PTPRD: variants seen among roughly 807,000 people sequenced by gnomAD.
PTPRD encodes receptor-type tyrosine-protein phosphatase delta.
Under a neutral mutation model 214.5 loss-of-function variants are expected in PTPRD, and 34 were observed. The ratio of observed to expected loss-of-function variants is 0.16; its 90% CI spans 0.12 to 0.21. The LOEUF is 0.21. Among genes scored for constraint, PTPRD ranks in the 10% least tolerant of loss-of-function variants. The pLI is 1.00. For synonymous variants in PTPRD, 1,128 were observed against 845.7 expected, an observed-to-expected ratio of 1.33 and a Z score of -5.79; for missense variants, 2,545 against 2,398.7, an observed-to-expected ratio of 1.06 and a Z score of -1.27.
At chr9:9,900,138 C>G (rs577016493) in intron 5 of PTPRD, among the ~76,000 whole-genome samples, 1 of 152,164 alleles carries the variant, frequency 6.6e-6, no homozygotes, top group Non-Finnish European at 1.5e-5. Flanking sequence ...AAGTTCTTCC[C>G]TGAAAACACT....
intron 9 of PTPRD, among the ~76,000 whole-genome samples, chr9:9,201,351 G>A (rs887289577): frequency 2.6e-5 from 4 of 152,158 alleles, no homozygotes; most frequent in Non-Finnish European, 5.9e-5. Context: ...CTCGATTGAA[G>A]AAAACTGTGG....
chr9:9,256,567 C>T (rs957518230), intron 9 of PTPRD, among the ~76,000 whole-genome samples: 1 of 151,938 alleles, frequency 6.6e-6, no homozygotes, highest in African/African-American at 2.4e-5. Flanking sequence ...AAATGACTTG[C>T]TAAACTGCTT....
chr9:10,211,842 C>T (rs1320922006), intron 3 of PTPRD, among the ~76,000 whole-genome samples: 1 of 152,060 alleles, frequency 6.6e-6, no homozygotes, highest in African/African-American at 2.4e-5. Flanking sequence ...AATTACTTAA[C>T]AGGTACAATG....
intron 2 of PTPRD, among the ~76,000 whole-genome samples, chr9:10,561,098 A>C (rs919011802): frequency 3.9e-5 from 6 of 152,174 alleles, no homozygotes; most frequent in Admixed American, 3.9e-4. Flanking sequence ...TCAATGCAAA[A>C]ATGACAACCA....
chr9:10,592,645 A>G (rs1352476676), intron 2 of PTPRD, among the ~76,000 whole-genome samples: 1 of 151,908 alleles, frequency 6.6e-6, no homozygotes, highest in African/African-American at 2.4e-5. Flanking sequence ...AGATGCACCA[A>G]TCAGCACTCT....
chr9:9,013,780 G>A (rs1357909915), intron 11 of PTPRD, among the ~76,000 whole-genome samples: 1 of 152,118 alleles, frequency 6.6e-6, no homozygotes, highest in African/African-American at 2.4e-5. Context: ...TTTTCCAGTG[G>A]TGGTGAAGGT....
At chr9:10,600,788 T>C (rs1464712372) in intron 2 of PTPRD, among the ~76,000 whole-genome samples, 2 of 151,828 alleles carry the variant, frequency 1.3e-5, no homozygotes, top group African/African-American at 2.4e-5. Flanking sequence ...GGTATATATG[T>C]TATTAACTAG....
chr9:8,468,314 T>C (rs998525856), intron 31 of PTPRD, among the ~76,000 whole-genome samples: 5 of 151,954 alleles, frequency 3.3e-5, no homozygotes, highest in Non-Finnish European at 7.4e-5. Context: ...CAACCACAAA[T>C]GACCACATTA....
chr9:10,064,032 G>C (rs938616853), intron 3 of PTPRD, among the ~76,000 whole-genome samples: 3 of 151,214 alleles, frequency 2.0e-5, no homozygotes, highest in Admixed American at 1.3e-4. Context: ...TTTTTTTTCA[G>C]AGTACTTTTC....
intron 3 of PTPRD, among the ~76,000 whole-genome samples, chr9:10,106,552 C>T (rs1349717882): frequency 6.6e-6 from 1 of 151,580 alleles, no homozygotes; most frequent in Non-Finnish European, 1.5e-5. Context: ...CAAAATGAAA[C>T]AAAACAAAAG....
chr9:9,235,046 G>A (rs144254460), intron 9 of PTPRD, among the ~76,000 whole-genome samples: 2 of 152,266 alleles, frequency 1.3e-5, no homozygotes, highest in Non-Finnish European at 2.9e-5. Flanking sequence ...AATTTATAAA[G>A]AAAAGAGGTT....
chr9:9,837,713 G>T (rs141753937), intron 5 of PTPRD, among the ~76,000 whole-genome samples: 165 of 152,118 alleles, frequency 1.1e-3, no homozygotes, highest in African/African-American at 3.9e-3. Flanking sequence ...AACCAGACTG[G>T]TATGACTTTG....
chr9:8,341,918 C>G lies in PTPRD; in HGVS notation c.4722G>C (p.Lys1574Asn), dbSNP rs2132520597. 3 of 1,613,110 alleles carry G rather than the reference C, an allele frequency of 1.9e-6. No individual in the cohort carries two copies. Among genetic ancestry groups the G allele is most frequent in the Non-Finnish European group, 2.5e-6 (3 of 1,179,566 alleles). ...CATAAATATCTACAGTTTTTTCATG[C>G]TTTATTCTTTCTAACATGGCATCTA... is the stretch of plus-strand genomic sequence containing the variant. ...IVIDAMLERIKHEKTVDIYGH... is the reference protein window; with the variant it reads ...IVIDAMLERINHEKTVDIYGH... The change falls in exon 40 of 46, where the codon AAG becomes AAC. Residue 1574 changes from lysine (K) to asparagine (N), a missense_variant. Physicochemically the swap from Lys to Asn is moderately conservative, Grantham distance 94. Transcript: ENST00000381196.
intron 9 of PTPRD, among the ~76,000 whole-genome samples, chr9:9,246,668 C>G (rs1306707931): frequency 1.3e-5 from 2 of 151,956 alleles, no homozygotes; most frequent in African/African-American, 2.4e-5. Context: ...ATATAGCAGC[C>G]TCACTTTGGA....
chr9:8,429,083 C>T (rs1288940952), intron 35 of PTPRD, among the ~76,000 whole-genome samples: 2 of 152,070 alleles, frequency 1.3e-5, no homozygotes, highest in African/African-American at 2.4e-5. Flanking sequence ...CTGGGTTTTC[C>T]CAGGAATAGT....
chr9:8,975,192 T>G (rs1405554376), intron 11 of PTPRD, among the ~76,000 whole-genome samples: 1 of 152,010 alleles, frequency 6.6e-6, no homozygotes, highest in South Asian at 2.1e-4. Context: ...TATTCTTGTG[T>G]GTAAATAAAC....
intron 2 of PTPRD, among the ~76,000 whole-genome samples, chr9:10,356,255 T>C (rs1427003357): frequency 2.9e-4 from 44 of 152,136 alleles, no homozygotes; most frequent in Admixed American, 2.9e-3. Flanking sequence ...AGACAGTGCC[T>C]CAAGGAGATT....
At chr9:8,790,247 C>G (rs73427051) in intron 11 of PTPRD, among the ~76,000 whole-genome samples, 1 of 151,994 alleles carries the variant, frequency 6.6e-6, no homozygotes, top group Non-Finnish European at 1.5e-5. Flanking sequence ...AACCCCTGAC[C>G]TGAAGTGATC....
At chr9:10,233,447 T>C (rs967749851) in intron 3 of PTPRD, among the ~76,000 whole-genome samples, 1 of 152,016 alleles carries the variant, frequency 6.6e-6, no homozygotes. Flanking sequence ...AATAATTCTC[T>C]GCCAAAATTT....
Sources: gnomAD v4.1 joint callset for allele counts (sites outside exome capture counted in the v4.1 genomes callset) on GRCh38, gnomAD v4.1.1 for gene constraint, MANE v1.5 for transcripts, NCBI Gene and HGNC (gene_info 2026-07-23, HGNC 2026-07-21) for gene names.